AP2A2: variants seen among roughly 807,000 people sequenced by gnomAD.
The protein encoded by AP2A2 is adaptor related protein complex 2 subunit alpha 2, also known as AP-2 complex subunit alpha-2.
Under a neutral mutation model 104.2 loss-of-function variants are expected in AP2A2, and 32 were observed. The ratio of observed to expected loss-of-function variants is 0.31; its 90% CI spans 0.23 to 0.41. The LOEUF (loss-of-function observed/expected upper bound fraction) is 0.41, where lower values mean the gene tolerates loss of function less well. AP2A2 is among the 10% of genes least tolerant of loss of function. The pLI is 1.00. For synonymous variants in AP2A2, 539 were observed against 533.3 expected, an observed-to-expected ratio of 1.01 and a Z score of -0.15; for missense variants, 912 against 1,261.0, an observed-to-expected ratio of 0.72 and a Z score of 4.19.
At chr11:934,991 T>C (rs780647283) in intron 1 of AP2A2, among the ~76,000 whole-genome samples, 1 of 151,874 alleles carries the variant, frequency 6.6e-6, no homozygotes, top group Non-Finnish European at 1.5e-5. Flanking sequence ...CCGGAGTAGC[T>C]GGGATTACAG....
chr11:986,292 A>T (rs1480277866), intron 8 of AP2A2, among the ~76,000 whole-genome samples: 1 of 152,270 alleles, frequency 6.6e-6, no homozygotes, highest in African/African-American at 2.4e-5. Flanking sequence ...GTCACACTTC[A>T]GAACTGAGAG....
chr11:977,280 C>T (rs1232499701), intron 5 of AP2A2, 56 bp downstream of exon 5: 11 of 1,527,110 alleles, frequency 7.2e-6, no homozygotes, highest in Middle Eastern at 1.8e-4. Context: ...TTGGGATGGC[C>T]GTTGTGAAGA....
At chr11:1,003,508 C>T (rs938190828) in intron 15 of AP2A2, among the ~76,000 whole-genome samples, 3 of 152,254 alleles carry the variant, frequency 2.0e-5, no homozygotes, top group African/African-American at 7.2e-5. Context: ...CAGGTCTTGC[C>T]GGGGCTGTGT....
intron 4 of AP2A2, among the ~76,000 whole-genome samples, chr11:975,469 G>A (rs1388465270): frequency 1.3e-5 from 2 of 149,114 alleles, no homozygotes; most frequent in African/African-American, 2.5e-5. Flanking sequence ...GGTCTCCCTC[G>A]TGTGAGCCGA....
intron 2 of AP2A2, among the ~76,000 whole-genome samples, chr11:967,392 C>T (rs976934266): frequency 1.3e-4 from 19 of 151,860 alleles, no homozygotes; most frequent in African/African-American, 3.9e-4. Context: ...GATGGAGTCT[C>T]GCTCTGTCAC....
intron 4 of AP2A2, among the ~76,000 whole-genome samples, chr11:973,466 G>T (rs569431154): frequency 6.6e-6 from 1 of 152,150 alleles, no homozygotes; most frequent in Non-Finnish European, 1.5e-5. Context: ...GCATAACCAC[G>T]AGAAGACAGA....
At chr11:941,907 G>GT (rs146156418) in intron 1 of AP2A2, among the ~76,000 whole-genome samples, 4,313 of 151,228 alleles carry the variant, frequency 0.029, 210 homozygotes, top group African/African-American at 0.097. Context: ...AAATGAAGTA[G>GT]TAATACCTGA....
intron 6 of AP2A2, among the ~76,000 whole-genome samples, chr11:983,017 C>CTTTTTTTTTTTTTT (rs56742889): frequency 1.3e-4 from 11 of 82,372 alleles, no homozygotes; most frequent in South Asian, 4.1e-4. Flanking sequence ...TTTTCTTTTT[C>CTTTTTTTTTTTTTT]TTTTTTTTTT....
intron 1 of AP2A2, among the ~76,000 whole-genome samples, chr11:929,912 A>G (rs1405265812): frequency 6.6e-6 from 1 of 152,044 alleles, no homozygotes; most frequent in Admixed American, 6.6e-5. Context: ...ACCTGAGGTC[A>G]GGAGTTCAAG....
intron 1 of AP2A2, among the ~76,000 whole-genome samples, chr11:927,905 A>G (rs1479395608): frequency 1.3e-5 from 2 of 151,788 alleles, no homozygotes; most frequent in African/African-American, 2.4e-5. Context: ...TTTGTTACAT[A>G]ATGAGACCAA....
At chr11:1,003,884 T>TA (rs1856108673) in intron 16 of AP2A2, 80 bp downstream of exon 16, 1 of 906,846 alleles carries the variant, frequency 1.1e-6, no homozygotes, top group Non-Finnish European at 1.7e-6. Context: ...ATCATATACT[T>TA]ATAAGGGATA....
At chr11:1,006,093 C>T (rs1051231129) in intron 16 of AP2A2, among the ~76,000 whole-genome samples, 3 of 152,212 alleles carry the variant, frequency 2.0e-5, no homozygotes, top group South Asian at 2.1e-4. Flanking sequence ...GGGGCCGGTG[C>T]GTGTGTTTGC....
In AP2A2 at chr11:938,814, T is replaced by C. The variant is rs1310523378; in HGVS notation, c.67+12726T>C. Among the ~76,000 whole-genome samples the C allele has an allele frequency of 3.9e-5, 6 of 152,306 alleles. 1 individual carries two copies. In the Middle Eastern group the frequency reaches 0.014, roughly 345 times the overall value. On this transcript the variant is annotated intron_variant, in intron 1 of 21. Coordinates refer to ENST00000448903, the MANE Select transcript of AP2A2 (RefSeq NM_012305.4). ...TTTTACAGACTCCTTCTGTGCTTTCTAGTCTGTTCTATGAAAATGTTGATA... is the reference window on the plus strand; with the variant it reads ...TTTTACAGACTCCTTCTGTGCTTTCCAGTCTGTTCTATGAAAATGTTGATA...
intron 1 of AP2A2, among the ~76,000 whole-genome samples, chr11:926,611 C>G (rs1287561761): frequency 6.6e-6 from 1 of 152,168 alleles, no homozygotes; most frequent in Non-Finnish European, 1.5e-5. Context: ...GCTTTGGGAG[C>G]AGAAATCTGG....
chr11:965,912 C>G (rs1854599239), intron 2 of AP2A2, among the ~76,000 whole-genome samples: 1 of 152,240 alleles, frequency 6.6e-6, no homozygotes, highest in Non-Finnish European at 1.5e-5. Context: ...ATGATCCTAA[C>G]TCACTGCAGC....
chr11:1,005,064 A>G (rs1253475051), intron 16 of AP2A2, among the ~76,000 whole-genome samples: 1 of 152,226 alleles, frequency 6.6e-6, no homozygotes, highest in Non-Finnish European at 1.5e-5. Flanking sequence ...ATTCACAATC[A>G]CCGAAAGTTA....
At position 1,009,655 on chromosome 11, in the gene AP2A2, G is replaced by T. The variant is rs1856353700; in HGVS notation, c.2608-28G>T. The T allele has an allele frequency of 4.5e-6, 7 of 1,547,612 alleles. 1 individual carries two copies. In the Admixed American group the frequency reaches 7.5e-5, roughly 17 times the overall value. On this transcript the variant is annotated intron_variant, in intron 20 of 21. Coordinates refer to ENST00000448903, the MANE Select transcript of AP2A2 (RefSeq NM_012305.4). ...ACGCTGCCCGCGACCCCGCGCCAGGGTCCTCATTCTCCTGTTTCTTTGGAC... is the reference window on the plus strand; with the variant it reads ...ACGCTGCCCGCGACCCCGCGCCAGGTTCCTCATTCTCCTGTTTCTTTGGAC...
intron 21 of AP2A2, chr11:1,010,194 C>T (rs1281315881): frequency 6.2e-6 from 3 of 482,946 alleles, no homozygotes; most frequent in South Asian, 3.2e-5. Flanking sequence ...CTTCTCACCA[C>T]GTCCCGTTCT....
rs531838997 is a variant in AP2A2, at chr11:1,011,323, C to T, written c.*698C>T. ...TGCAGCCAGGGGAGGAGCGTCCTGCCGGCCCCGCAGGGCCCCCAGGACTCC... is the reference window on the plus strand; with the variant it reads ...TGCAGCCAGGGGAGGAGCGTCCTGCTGGCCCCGCAGGGCCCCCAGGACTCC... On this transcript the variant is annotated 3_prime_UTR_variant, in exon 22 of 22. Coordinates refer to ENST00000448903, the MANE Select transcript of AP2A2 (RefSeq NM_012305.4). The T allele has an allele frequency of 7.1e-5, 37 of 518,726 alleles. 1 individual carries two copies. The East Asian group carries it at 1.4e-3, about 20-fold the overall frequency. 32.1% of individuals were successfully genotyped at this position (518,726 alleles called of 1,614,324 possible).
Sources: allele counts gnomAD v4.1 joint callset (sites outside exome capture counted in the v4.1 genomes callset), GRCh38; gene constraint gnomAD v4.1.1; transcripts MANE v1.5; gene names NCBI Gene and HGNC (gene_info 2026-07-23, HGNC 2026-07-21).